The following BNIP2 variants were observed in gnomAD, a reference collection of about 807,000 sequenced individuals.
The protein encoded by BNIP2 is BCL2 interacting protein 2, also known as BCL2/adenovirus E1B 19 kDa protein-interacting protein 2.
BNIP2 carries 36 observed loss-of-function variants against 43.4 expected under a neutral mutation model. The observed-to-expected ratio is 0.83, with a 90% CI of 0.64 to 1.10. The LOEUF (loss-of-function observed/expected upper bound fraction) is 1.10. Ranked by LOEUF, BNIP2 falls within the 50% of genes least tolerant of loss-of-function variation. BNIP2 has a pLI of 0.00. For missense variants in BNIP2, 417 were observed against 374.1 expected, an observed-to-expected ratio of 1.11 and a Z score of -0.95; for synonymous variants, 146 against 121.0, an observed-to-expected ratio of 1.21 and a Z score of -1.35.
intron 1 of BNIP2, among the ~76,000 whole-genome samples, chr15:59,685,356 C>T (rs528295622): frequency 6.6e-6 from 1 of 152,236 alleles, no homozygotes; most frequent in Non-Finnish European, 1.5e-5. Context: ...AAAAAATCAG[C>T]CAGGCGTGGT....
At position 59,660,740 on chromosome 15, in the gene BNIP2, C is replaced by A. The variant is rs1470793003; in HGVS notation, c.*3329G>T. 2.0e-5 allele frequency: 3 copies of A among 151,988 alleles called. No homozygotes were observed. Among genetic ancestry groups the A allele is most frequent in the African/African-American group, 7.3e-5 (3 of 41,370 alleles). 9.4% of individuals were successfully genotyped at this position (151,988 alleles called of 1,614,324 possible). On this transcript the variant is annotated 3_prime_UTR_variant, in exon 10 of 10. Coordinates refer to ENST00000607373, the MANE Select transcript of BNIP2 (RefSeq NM_004330.4). ...TATTCAGTGCACTTACTAGTGATGT[C>A]CATTTTGGAAGACTAAATCAATGTT...
chr15:59,674,475 A>C (rs759393290), intron 5 of BNIP2, among the ~76,000 whole-genome samples: 3 of 152,240 alleles, frequency 2.0e-5, no homozygotes, highest in Non-Finnish European at 2.9e-5. Context: ...TAGCTGAATA[A>C]TGTATGTCTG....
intron 1 of BNIP2, chr15:59,688,497 C>G (rs1488090354): frequency 4.3e-6 from 2 of 464,400 alleles, no homozygotes; most frequent in African/African-American, 4.2e-5. Flanking sequence ...AAAGCTGTTT[C>G]GTCAAAGAGC....
At chr15:59,673,409 C>T (rs144629124) in intron 5 of BNIP2, among the ~76,000 whole-genome samples, 423 of 151,710 alleles carry the variant, frequency 2.8e-3, no homozygotes, top group African/African-American at 9.5e-3. Flanking sequence ...CCACCGTGCC[C>T]GGCAAAGTGG....
chr15:59,669,517 A>G (rs567801465), intron 7 of BNIP2, among the ~76,000 whole-genome samples, 155 bp from the exon 8 acceptor site: 1 of 152,380 alleles, frequency 6.6e-6, no homozygotes, highest in Admixed American at 6.5e-5. Flanking sequence ...ATGCACTCTT[A>G]AATTCTTATG....
intron 5 of BNIP2, among the ~76,000 whole-genome samples, chr15:59,675,970 G>T (rs1020421944): frequency 6.6e-6 from 1 of 152,120 alleles, no homozygotes; most frequent in Non-Finnish European, 1.5e-5. Context: ...TTGCACAGGG[G>T]TACTAAATAA....
chr15:59,688,958 G>A, intron 1 of BNIP2, 177 bp downstream of exon 1: 1 of 1,442,246 alleles, frequency 6.9e-7, no homozygotes, highest in South Asian at 1.5e-5. Flanking sequence ...CCTAAGCAGG[G>A]CGGGGATCCA....
chr15:59,687,814 G>A (rs1228833555), intron 1 of BNIP2, among the ~76,000 whole-genome samples: 1 of 152,146 alleles, frequency 6.6e-6, no homozygotes, highest in Non-Finnish European at 1.5e-5. Context: ...ATCATCTCAT[G>A]TTCCAACCAG....
intron 5 of BNIP2, among the ~76,000 whole-genome samples, chr15:59,676,031 T>TA (rs1468526564): frequency 6.6e-6 from 1 of 152,228 alleles, no homozygotes; most frequent in Non-Finnish European, 1.5e-5. Context: ...ATGGGTTTTA[T>TA]ATATATGGGT....
rs1893744882 is a variant in BNIP2 at position 59,682,429 on chromosome 15, C to T, written c.29G>A (p.Trp10Ter). The T allele has an allele frequency of 6.2e-7, 1 of 1,612,782 alleles. No individual in the cohort carries two copies. Among genetic ancestry groups the T allele is most frequent in the Non-Finnish European group, 8.5e-7 (1 of 1,179,516 alleles). Residue 10 changes from tryptophan (W) to a stop codon, truncating the protein, a stop_gained, in exon 2 of 10, where the codon TGG (tryptophan) becomes TAG (stop). Transcript: ENST00000607373. LOFTEE classifies it high-confidence loss of function. ...TCACATCGGAAAATCTTCATCTTGC[C>T]ATTCTTCTTTAAGTTCCACACCTTC... is the stretch of plus-strand genomic sequence containing the variant. MEGVELKEEWQDEDFPIPLP... is the reference protein window; with the variant it reads MEGVELKEE
intron 4 of BNIP2, 158 bp downstream of exon 4, chr15:59,679,434 A>G: frequency 5.0e-6 from 4 of 792,416 alleles, no homozygotes; most frequent in Non-Finnish European, 7.6e-6. Context: ...CCACTGGTGT[A>G]CTCTATACAC....
chr15:59,689,294 G>T lies in BNIP2; in HGVS notation c.-217C>A, dbSNP rs766304179. 1.2e-5 allele frequency: 19 copies of T among 1,546,036 alleles called. No homozygotes were observed. The highest frequency in any genetic ancestry group is 1.7e-5 in the Non-Finnish European group (19 of 1,145,732). On this transcript the variant is annotated 5_prime_UTR_variant, in exon 1 of 10. Coordinates refer to ENST00000607373, the MANE Select transcript of BNIP2 (RefSeq NM_004330.4). ...CCCCCGGCCGCAGCGGTACGGCGTC[G>T]GCGGCAGCAGCTGACCCGGACACAG...
At chr15:59,678,777 G>C in intron 4 of BNIP2, 1 of 1,302,062 alleles carries the variant, frequency 7.7e-7, no homozygotes, top group Non-Finnish European at 1.0e-6. Context: ...GAAACCTACT[G>C]CATGTTAGTT....
intron 7 of BNIP2, among the ~76,000 whole-genome samples, chr15:59,670,746 TAAATA>T (rs1892846860): frequency 6.6e-6 from 1 of 152,200 alleles, no homozygotes; most frequent in African/African-American, 2.4e-5. Context: ...ATGAAATAAA[TAAATA>T]AAATTTAAAA....
chr15:59,665,550 C>T, intron 9 of BNIP2: 1 of 152,596 alleles, frequency 6.6e-6, no homozygotes, highest in Non-Finnish European at 1.5e-5. Context: ...ACGGAGGCGA[C>T]AGTGAACCGA....
At chr15:59,671,785 C>T (rs1239792697) in intron 6 of BNIP2, among the ~76,000 whole-genome samples, 1 of 152,174 alleles carries the variant, frequency 6.6e-6, no homozygotes, top group Admixed American at 6.5e-5. Flanking sequence ...AGACAAAAAT[C>T]ACTTCTTTAC....
chr15:59,674,392 A>G (rs1211838250), intron 5 of BNIP2, among the ~76,000 whole-genome samples: 2 of 152,132 alleles, frequency 1.3e-5, no homozygotes, highest in African/African-American at 4.8e-5. Context: ...TTTCCCCTAT[A>G]AAAAAAGTGC....
Position 59,662,863 on chromosome 15 carries a change from T to G in BNIP2, c.*1206A>C, listed in dbSNP as rs977964915. The stretch of plus-strand genomic sequence containing the variant: ...TTTTGTCGGTAATTAAACTTTTTGT[T>G]TGGAGGCACAAACACAATTTATTTC... On this transcript the variant is annotated 3_prime_UTR_variant, in exon 10 of 10. Transcript: ENST00000607373. 1 of 152,232 alleles carries G rather than the reference T, an allele frequency of 6.6e-6. No homozygotes were observed. Among genetic ancestry groups the G allele is most frequent in the Non-Finnish European group, 1.5e-5 (1 of 68,042 alleles). The allele number at this position is 152,232 out of a possible 1,614,324, so 9.4% of individuals were successfully genotyped here.
In BNIP2 at chr15:59,672,655, A is replaced by T. The variant is rs756321029; in HGVS notation, c.557T>A (p.Leu186Gln). Residue 186 changes from leucine to glutamine, a missense_variant, in exon 6 of 10, where the codon CTG becomes CAG. By Grantham distance (113) the Leu-to-Gln change is moderately radical. Transcript: ENST00000607373. ...TACTTACTTAAAAAGATTGTCCATC[A>T]GGTATCTATAGTTAGGCTGACTACT... is the stretch of plus-strand genomic sequence containing the variant. ...PESSQPNYRY[L>Q]MDNLFKYVIG... is the part of the protein sequence containing the mutation. 1 of 1,612,776 alleles carries T rather than the reference A, an allele frequency of 6.2e-7. No homozygotes were observed. Among genetic ancestry groups the T allele is most frequent in the African/African-American group, 1.3e-5 (1 of 75,024 alleles).
Sources: gnomAD v4.1 joint callset for allele counts (sites outside exome capture counted in the v4.1 genomes callset) on GRCh38, gnomAD v4.1.1 for gene constraint, MANE v1.5 for transcripts, NCBI Gene and HGNC (gene_info 2026-07-23, HGNC 2026-07-21) for gene names.